The following PUS1 variants were observed in gnomAD, a reference collection of about 807,000 sequenced individuals.
PUS1 encodes pseudouridylate synthase 1 homolog.
A neutral mutation model predicts 38.5 loss-of-function variants in PUS1; 25 were observed. The observed-to-expected ratio is 0.65, with a 90% CI of 0.47 to 0.91. The LOEUF (loss-of-function observed/expected upper bound fraction) is 0.91. Among genes scored for constraint, PUS1 ranks in the 40% least tolerant of loss-of-function variants. The probability of loss-of-function intolerance (pLI) is 0.00; values close to 1 mark genes in which losing one functional copy is unlikely to be tolerated. For missense variants in PUS1, 597 were observed against 612.3 expected, an observed-to-expected ratio of 0.97 and a Z score of 0.26; for synonymous variants, 282 against 260.4, an observed-to-expected ratio of 1.08 and a Z score of -0.80.
intron 3 of PUS1, among the ~76,000 whole-genome samples, chr12:131,935,596 G>T (rs140439216): frequency 6.6e-6 from 1 of 152,064 alleles, no homozygotes; most frequent in Non-Finnish European, 1.5e-5. Context: ...GTGCAATGGC[G>T]TGATCTTGGC....
At position 131,929,902 on chromosome 12, in the gene PUS1, C is replaced by T. The variant is rs1363622622; in HGVS notation, c.75-5C>T. ...GGCCCCCGCTCACGCCGCCCTTCTC[C>T]GCAGCTCGCCGCGCATGGCCGGGAA... On this transcript the variant is annotated splice_polypyrimidine_tract_variant and splice_region_variant and intron_variant, in intron 1 of 5. Transcript: ENST00000376649. 6.8e-7 allele frequency: 1 copy of T among 1,472,808 alleles called. No individual in the cohort carries two copies. Among genetic ancestry groups the T allele is most frequent in the East Asian group, 2.9e-5 (1 of 34,720 alleles). 91.2% of individuals were successfully genotyped at this position (1,472,808 alleles called of 1,614,324 possible). A position where few individuals can be genotyped will look rare whatever the true frequency, so the allele number is the denominator to read the frequency against.
At chr12:131,930,259 A>C (rs1890541394) in intron 2 of PUS1, 124 bp downstream of exon 2, 1 of 534,482 alleles carries the variant, frequency 1.9e-6, no homozygotes, top group African/African-American at 2.0e-5. Context: ...CGGGTCCGGC[A>C]GGATTTAGGT....
In PUS1 at chr12:131,929,998, G is replaced by A; in HGVS notation, c.166G>A (p.Asp56Asn). 1.3e-6 allele frequency: 2 copies of A among 1,483,334 alleles called. No individual in the cohort carries two copies. Among genetic ancestry groups the A allele is most frequent in the Non-Finnish European group, 1.8e-6 (2 of 1,126,672 alleles). The allele number at this position is 1,483,334 out of a possible 1,614,324, so 91.9% of individuals were successfully genotyped here. A position where few individuals can be genotyped will look rare whatever the true frequency, so the allele number is the denominator to read the frequency against. The change falls in exon 2 of 6, where the codon GAC becomes AAC. Residue 56 changes from aspartate (D) to asparagine (N), a missense_variant. By Grantham distance (23) the Asp-to-Asn change is conservative. Transcript: ENST00000376649. ...RRSCSGRAGG[D>N]RVWEDGEHPA... ...GTCCTGCAGCGGCCGGGCCGGGGGC[G>A]ACCGCGTCTGGGAGGACGGAGAACA...
chr12:131,936,477 C>T (rs982608120), intron 3 of PUS1, among the ~76,000 whole-genome samples: 2 of 151,872 alleles, frequency 1.3e-5, no homozygotes, highest in South Asian at 2.1e-4. Context: ...GCAGGAGAAT[C>T]GTTTGAATCC....
intron 3 of PUS1, chr12:131,934,699 A>G (rs1384076644): frequency 6.6e-6 from 1 of 152,180 alleles, no homozygotes; most frequent in African/African-American, 2.4e-5. Context: ...CCACAACCCA[A>G]CGTTTGGCAG....
At chr12:131,942,940 G>T (rs1891155340) in intron 5 of PUS1, among the ~76,000 whole-genome samples, 1 of 152,250 alleles carries the variant, frequency 6.6e-6, no homozygotes, top group South Asian at 2.1e-4. Context: ...CCAGCCCAGG[G>T]ACGGCAGGGA....
In PUS1 at chr12:131,941,215, C is replaced by T. The variant is rs1366231279; in HGVS notation, c.545-77C>T. The T allele has an allele frequency of 1.0e-5, 13 of 1,303,162 alleles. No individual in the cohort carries two copies. Among genetic ancestry groups the T allele is most frequent in the Admixed American group, 5.5e-5 (3 of 54,684 alleles). 80.7% of individuals were successfully genotyped at this position (1,303,162 alleles called of 1,614,324 possible). ...CTGGGTAAGGAGACGCTGGGGCTCACGCCGTGCTCAGGCTGCTCCCTGGTC... is the reference window on the plus strand; with the variant it reads ...CTGGGTAAGGAGACGCTGGGGCTCATGCCGTGCTCAGGCTGCTCCCTGGTC... On this transcript the variant is annotated intron_variant, in intron 4 of 5. Coordinates refer to ENST00000376649, the MANE Select transcript of PUS1 (RefSeq NM_025215.6). The surrounding 1 kb of genome is among the most constrained non-coding windows in gnomAD (Gnocchi z 4.4).
rs772993946 is a variant in PUS1 at position 131,930,100 on chromosome 12, A to T, written c.268A>T (p.Met90Leu). The T allele has an allele frequency of 1.4e-5, 20 of 1,439,062 alleles. No homozygotes were observed. In the African/African-American group the frequency reaches 2.8e-4, roughly 20 times the overall value. 89.1% of individuals were successfully genotyped at this position (1,439,062 alleles called of 1,614,324 possible). ...GCCCAAGCGGAAGATCGTGCTGCTC[A>T]TGGCCTATTCGGGCAAGGGCTACCA... Reference protein sequence around the residue: ...KPPKRKIVLLMAYSGKGYHGM... With the variant: ...KPPKRKIVLLLAYSGKGYHGM... Residue 90 changes from methionine to leucine, a missense_variant, in exon 2 of 6, where the codon ATG (methionine) becomes TTG (leucine). Met to Leu is a conservative substitution (Grantham distance 15). Transcript: ENST00000376649.
chr12:131,930,870 C>T (rs1023845215), intron 2 of PUS1, among the ~76,000 whole-genome samples: 2 of 151,920 alleles, frequency 1.3e-5, no homozygotes, highest in African/African-American at 4.8e-5. Context: ...GCTGTGTTGC[C>T]CAGGCTGCTC....
At chr12:131,942,629 A>G (rs551072848) in intron 5 of PUS1, among the ~76,000 whole-genome samples, 1 of 152,032 alleles carries the variant, frequency 6.6e-6, no homozygotes, top group South Asian at 2.1e-4. Context: ...GATGGTCTTG[A>G]TCTCCTGACC....
intron 3 of PUS1, among the ~76,000 whole-genome samples, chr12:131,933,250 C>G (rs1173513712): frequency 1.3e-5 from 2 of 148,600 alleles, no homozygotes; most frequent in Non-Finnish European, 3.0e-5. Flanking sequence ...TCAGGGGTCT[C>G]AAACTCCTGG....
At position 131,929,671 on chromosome 12, in the gene PUS1, G is replaced by A; in HGVS notation, c.-52G>A. The A allele has an allele frequency of 6.8e-7, 1 of 1,475,956 alleles. No individual in the cohort carries two copies. Among genetic ancestry groups the A allele is most frequent in the East Asian group, 2.6e-5 (1 of 38,452 alleles). 91.4% of individuals were successfully genotyped at this position (1,475,956 alleles called of 1,614,324 possible). Reference sequence around the variant, plus strand: ...CGGCAGAGGCGGAGCTGGGGCACTGGGGGTCAGGGGTCGGGGATCAGGGCG... The same window carrying A: ...CGGCAGAGGCGGAGCTGGGGCACTGAGGGTCAGGGGTCGGGGATCAGGGCG... On this transcript the variant is annotated 5_prime_UTR_variant, in exon 1 of 6. Transcript: ENST00000376649.
intron 3 of PUS1, among the ~76,000 whole-genome samples, chr12:131,935,468 C>T (rs1273565940): frequency 1.3e-5 from 2 of 152,198 alleles, no homozygotes; most frequent in Non-Finnish European, 2.9e-5. Flanking sequence ...TAGGCCGGCA[C>T]GGTCACACCC....
At position 131,941,554 on chromosome 12, in the gene PUS1, G is replaced by C; in HGVS notation, c.807G>C (p.Glu269Asp). The C allele has an allele frequency of 6.2e-7, 1 of 1,614,230 alleles. No homozygotes were observed. Among genetic ancestry groups the C allele is most frequent in the Non-Finnish European group, 8.5e-7 (1 of 1,180,048 alleles). Residue 269 changes from glutamate (E) to aspartate (D), a missense_variant, in exon 5 of 6, where the codon GAG becomes GAC. Physicochemically the swap from Glu to Asp is conservative, Grantham distance 45. Transcript: ENST00000376649. This position sits in a 1 kb window ranked among gnomAD's most constrained non-coding sequence, Gnocchi z 4.4. ...ACRYILEMYC[E>D]EPFVREGLEF... ...GCTACATCCTGGAGATGTACTGCGA[G>C]GAACCCTTTGTGCGGGAGGGCCTGG...
In PUS1 at chr12:131,929,769, C is replaced by T. The variant is rs1010852361; in HGVS notation, c.47C>T (p.Thr16Ile). Residue 16 changes from threonine (T) to isoleucine (I), a missense_variant, in exon 1 of 6, where the codon ACC becomes ATC. By Grantham distance (89) the Thr-to-Ile change is moderately conservative. Transcript: ENST00000376649. ...CTGTTGGGAGCCTTCGGACGGTGGA[C>T]CCTGCGCCTGGGACCGCGTCCGTCC... ...RALLGAFGRW[T>I]LRLGPRPSCS... 7 of 1,592,078 alleles carry T rather than the reference C, an allele frequency of 4.4e-6. No homozygotes were observed. The highest frequency in any genetic ancestry group is 3.3e-5 in the South Asian group (3 of 89,730).
chr12:131,936,210 CAAA>C (rs764654394), intron 3 of PUS1, among the ~76,000 whole-genome samples: 1 of 122,630 alleles, frequency 8.2e-6, no homozygotes. Context: ...GACTCCATCT[CAAA>C]AAAAAAAAAG....
At chr12:131,931,885 C>T (rs1209068864) in intron 2 of PUS1, 1 of 599,014 alleles carries the variant, frequency 1.7e-6, no homozygotes, top group African/African-American at 1.9e-5. Context: ...GCACCCACGG[C>T]ACTGATTTTG....
At position 131,943,794 on chromosome 12, in the gene PUS1, T is replaced by A. The variant is rs148927836; in HGVS notation, c.*208T>A. 3.5e-6 allele frequency: 2 copies of A among 564,194 alleles called. No individual in the cohort carries two copies. Among genetic ancestry groups the A allele is most frequent in the Non-Finnish European group, 6.4e-6 (2 of 313,962 alleles). The allele number at this position is 564,194 out of a possible 1,614,324, so 34.9% of individuals were successfully genotyped here. A position where few individuals can be genotyped will look rare whatever the true frequency, so the allele number is the denominator to read the frequency against. ...TGCATTGCATAGATGAACCTCAGCA[T>A]GTAAAGAACTATTTTTTTAAAGAAG... On this transcript the variant is annotated 3_prime_UTR_variant, in exon 6 of 6. Transcript: ENST00000376649.
chr12:131,942,043 C>T, intron 5 of PUS1, 60 bp downstream of exon 5: 1 of 1,443,064 alleles, frequency 6.9e-7, no homozygotes, highest in Non-Finnish European at 9.6e-7. Context: ...TCCCATTGTA[C>T]AGAGGAGTGA....
Sources: allele counts gnomAD v4.1 joint callset (sites outside exome capture counted in the v4.1 genomes callset), GRCh38; gene constraint gnomAD v4.1.1; non-coding constraint Gnocchi (gnomAD v3.1); transcripts MANE v1.5; gene names NCBI Gene and HGNC (gene_info 2026-07-23, HGNC 2026-07-21).